The following PTPRN2 variants were observed in gnomAD, a reference collection of about 807,000 sequenced individuals.
The protein encoded by PTPRN2 is receptor-type tyrosine-protein phosphatase N2.
PTPRN2 carries 74 observed loss-of-function variants against 118.8 expected under a neutral mutation model. The ratio of observed to expected loss-of-function variants is 0.62; its 90% CI spans 0.52 to 0.76. PTPRN2 has a LOEUF of 0.76. Ranked by LOEUF, PTPRN2 falls within the 30% of genes least tolerant of loss-of-function variation. The pLI, the probability that PTPRN2 is intolerant of heterozygous loss-of-function variation, is 0.00. For missense variants in PTPRN2, 1,481 were observed against 1,394.4 expected, an observed-to-expected ratio of 1.06 and a Z score of -0.99; for synonymous variants, 641 against 608.0, an observed-to-expected ratio of 1.05 and a Z score of -0.80.
At chr7:157,644,634 A>G (rs1291243341) in intron 14 of PTPRN2, among the ~76,000 whole-genome samples, 1 of 152,148 alleles carries the variant, frequency 6.6e-6, no homozygotes, top group Non-Finnish European at 1.5e-5. Context: ...CGACTCTACT[A>G]AAAATACAAA....
At position 157,766,184 on chromosome 7, in the gene PTPRN2, AATCCATCCATCC is replaced by A. The variant is rs775536701; in HGVS notation, c.1789-83259_1789-83248del. Among the ~76,000 whole-genome samples, 18 of 116,240 alleles carry A rather than the reference AATCCATCCATCC, an allele frequency of 1.5e-4. 1 individual carries two copies. The highest frequency in any genetic ancestry group is 1.4e-3 in the Admixed American group (16 of 11,290). The allele number at this position is 116,240 out of a possible 152,430, so 76.3% of individuals were successfully genotyped here. The stretch of plus-strand genomic sequence containing the variant: ...ATCCACCATCCCCCATCTGTCCACC[AATCCATCCATCC>A]ATCCATCCATCCATCCACCCACACA... On this transcript the variant is annotated intron_variant, in intron 12 of 22. Transcript: ENST00000389418.
At chr7:158,239,073 C>T (rs976454996) in intron 3 of PTPRN2, among the ~76,000 whole-genome samples, 1 of 152,238 alleles carries the variant, frequency 6.6e-6, no homozygotes, top group Admixed American at 6.5e-5. Flanking sequence ...GGTGTTTGCT[C>T]GGTCAAGGTG....
chr7:158,044,157 T>C (rs555080114), intron 11 of PTPRN2, among the ~76,000 whole-genome samples: 89 of 152,334 alleles, frequency 5.8e-4, no homozygotes, highest in African/African-American at 2.0e-3. Context: ...AGTTACACAA[T>C]TTTAAAAGTC....
rs775486224 is a variant in PTPRN2 at position 158,093,023 on chromosome 7, T to C, written c.1644-11646A>G. 3.9e-5 allele frequency among the ~76,000 whole-genome samples: 6 copies of C among 152,240 alleles called. No individual in the cohort carries two copies. Among genetic ancestry groups the C allele is most frequent in the Non-Finnish European group, 5.9e-5 (4 of 68,050 alleles). ...GTGCTAGCTCCAAATAGTCCAATTC[T>C]AATATCAATGCCACCACTAGAATCA... is the stretch of plus-strand genomic sequence containing the variant. On this transcript the variant is annotated intron_variant, in intron 10 of 22. Coordinates refer to ENST00000389418, the MANE Select transcript of PTPRN2 (RefSeq NM_002847.5). The surrounding 1 kb of genome is among the most constrained non-coding windows in gnomAD (Gnocchi z 4.4).
Position 158,070,495 on chromosome 7 carries a change from G to C in PTPRN2, c.1723+10803C>G, listed in dbSNP as rs557975459. Among the ~76,000 whole-genome samples the C allele has an allele frequency of 4.2e-5, 6 of 144,112 alleles. 1 individual carries two copies. The East Asian group carries it at 1.3e-3, about 30-fold the overall frequency. The allele number at this position is 144,112 out of a possible 152,430, so 94.5% of individuals were successfully genotyped here. A position where few individuals can be genotyped will look rare whatever the true frequency, so the allele number is the denominator to read the frequency against. On this transcript the variant is annotated intron_variant, in intron 11 of 22. Transcript: ENST00000389418. ...TGGTGGAGGTGCTCCTGGTGGTGGAGGTGCCCGTGGTGGTGGAGGTGCTCC... is the reference window on the plus strand; with the variant it reads ...TGGTGGAGGTGCTCCTGGTGGTGGACGTGCCCGTGGTGGTGGAGGTGCTCC...
chr7:157,861,252 G>A lies in PTPRN2; in HGVS notation c.1788+37421C>T, dbSNP rs1159478153. ...TTCCTGTACCTTTTACATACGTGAA[G>A]TCTATACAATAATGGAACCGAAGCC... On this transcript the variant is annotated intron_variant, in intron 12 of 22. Transcript: ENST00000389418. This position sits in a 1 kb window ranked among gnomAD's most constrained non-coding sequence, Gnocchi z 5.8. Among the ~76,000 whole-genome samples the A allele has an allele frequency of 6.6e-6, 1 of 152,222 alleles. No individual in the cohort carries two copies. The highest frequency in any genetic ancestry group is 1.5e-5 in the Non-Finnish European group (1 of 68,034).
chr7:158,163,892 A>G (rs1348391641), intron 6 of PTPRN2, among the ~76,000 whole-genome samples: 1 of 152,222 alleles, frequency 6.6e-6, no homozygotes, highest in Non-Finnish European at 1.5e-5. Context: ...GGTGATCAGT[A>G]TTCTCTGTGT....
At chr7:158,477,853 C>T (rs568722155) in intron 2 of PTPRN2, among the ~76,000 whole-genome samples, 130 of 152,360 alleles carry the variant, frequency 8.5e-4, no homozygotes, top group Admixed American at 1.1e-3. Context: ...AGCCAAGCCA[C>T]GGCCAGGTTG....
intron 6 of PTPRN2, among the ~76,000 whole-genome samples, chr7:158,157,762 C>T (rs965796179): frequency 2.0e-5 from 3 of 152,232 alleles, no homozygotes; most frequent in Admixed American, 2.0e-4. Flanking sequence ...CCCAGCACCC[C>T]GGGTGCCCTC....
intron 2 of PTPRN2, among the ~76,000 whole-genome samples, chr7:158,410,967 G>C (rs1814026773): frequency 6.6e-6 from 1 of 152,294 alleles, no homozygotes; most frequent in Non-Finnish European, 1.5e-5. Context: ...CAAGCACCCA[G>C]GTGACCCCAG....
chr7:158,421,823 C>A (rs1029365176), intron 2 of PTPRN2, among the ~76,000 whole-genome samples: 1 of 152,154 alleles, frequency 6.6e-6, no homozygotes, highest in Non-Finnish European at 1.5e-5. Context: ...AAGTAGTGAC[C>A]AAACCTATTC....
chr7:157,651,775 G>C (rs2150727262), intron 14 of PTPRN2, among the ~76,000 whole-genome samples: 1 of 152,374 alleles, frequency 6.6e-6, no homozygotes, highest in South Asian at 2.1e-4. Flanking sequence ...GTCCTGCGAA[G>C]TCGCCTTCAT....
At chr7:158,284,043 C>A (rs768110988) in intron 3 of PTPRN2, among the ~76,000 whole-genome samples, 5 of 152,218 alleles carry the variant, frequency 3.3e-5, no homozygotes, top group Admixed American at 6.5e-5. Flanking sequence ...AAGACATGTT[C>A]ATAGCTATAT....
rs1239997126 is a variant in PTPRN2, at chr7:157,929,653, C to T, written c.1724-30916G>A. 6.6e-6 allele frequency among the ~76,000 whole-genome samples: 1 copy of T among 152,130 alleles called. No homozygotes were observed. Among genetic ancestry groups the T allele is most frequent in the Non-Finnish European group, 1.5e-5 (1 of 68,016 alleles). Reference sequence around the variant, plus strand: ...TCAAATTTATTCCCAATCCTCTGATCTCCATTCACCAGCCTCCTCTGTCTC... The same window carrying T: ...TCAAATTTATTCCCAATCCTCTGATTTCCATTCACCAGCCTCCTCTGTCTC... On this transcript the variant is annotated intron_variant, in intron 11 of 22. Transcript: ENST00000389418. The surrounding 1 kb of genome is among the most constrained non-coding windows in gnomAD (Gnocchi z 4.4).
chr7:157,589,743 T>C lies in PTPRN2; in HGVS notation c.2496+5495A>G, dbSNP rs144590238. On this transcript the variant is annotated intron_variant, in intron 17 of 22. Coordinates refer to ENST00000389418, the MANE Select transcript of PTPRN2 (RefSeq NM_002847.5). Reference sequence around the variant, plus strand: ...GAATATTCTTAACCCTTCTTCAGATTTAAATTAGGATTTTAAAAAGAAAGT... The same window carrying C: ...GAATATTCTTAACCCTTCTTCAGATCTAAATTAGGATTTTAAAAAGAAAGT... 2.7e-3 allele frequency among the ~76,000 whole-genome samples: 404 copies of C among 152,392 alleles called. 3 individuals are homozygous for C. Among genetic ancestry groups the C allele is most frequent in the African/African-American group, 9.2e-3 (384 of 41,594 alleles).
In PTPRN2 at chr7:158,509,197, C is replaced by T. The variant is rs77355478; in HGVS notation, c.113-19412G>A. 6.6e-6 allele frequency among the ~76,000 whole-genome samples: 1 copy of T among 151,990 alleles called. No individual in the cohort carries two copies. Among genetic ancestry groups the T allele is most frequent in the Non-Finnish European group, 1.5e-5 (1 of 67,970 alleles). On this transcript the variant is annotated intron_variant, in intron 1 of 22. Transcript: ENST00000389418. The surrounding 1 kb of genome is among the most constrained non-coding windows in gnomAD (Gnocchi z 4.4). Reference sequence around the variant, plus strand: ...GCAGCCTCCACCCAGCAGGCGGGACCAGTGGACAGGCTGCAGCTCACAGGG... The same window carrying T: ...GCAGCCTCCACCCAGCAGGCGGGACTAGTGGACAGGCTGCAGCTCACAGGG...
At chr7:157,804,736 C>G (rs1411244813) in intron 12 of PTPRN2, among the ~76,000 whole-genome samples, 3 of 152,234 alleles carry the variant, frequency 2.0e-5, no homozygotes, top group African/African-American at 4.8e-5. Flanking sequence ...ACCCACCCAC[C>G]ATTCAGCAAG....
rs569022883 is a variant in PTPRN2, at chr7:157,789,886, T to TGTGTGTGTG, written c.1789-106950_1789-106949insCACACACAC. The stretch of plus-strand genomic sequence containing the variant: ...GTGGTGTGTGTAGTATGTGTGCAGG[T>TGTGTGTGTG]ATGTGTGTGGTATGTGTGGTGCTGT... On this transcript the variant is annotated intron_variant, in intron 12 of 22. Transcript: ENST00000389418. 3.5e-3 allele frequency among the ~76,000 whole-genome samples: 526 copies of TGTGTGTGTG among 149,746 alleles called. 13 individuals are homozygous for TGTGTGTGTG. The South Asian group carries it at 0.066, about 19-fold the overall frequency.
intron 1 of PTPRN2, among the ~76,000 whole-genome samples, chr7:158,554,374 GC>G (rs1483973651): frequency 6.6e-6 from 1 of 152,214 alleles, no homozygotes; most frequent in East Asian, 1.9e-4. Context: ...GTTGTTTAGG[GC>G]ACTGATGATT....
Sources: gnomAD v4.1 joint callset for allele counts (sites outside exome capture counted in the v4.1 genomes callset) on GRCh38, gnomAD v4.1.1 for gene constraint, Gnocchi (gnomAD v3.1) non-coding constraint, MANE v1.5 for transcripts, NCBI Gene and HGNC (gene_info 2026-07-23, HGNC 2026-07-21) for gene names.